EXPH5: variants seen among roughly 807,000 people sequenced by gnomAD.
EXPH5 encodes exophilin 5, also known as exophilin-5.
A neutral mutation model predicts 41.1 loss-of-function variants in EXPH5; 42 were observed. The observed-to-expected ratio is 1.02, with a 90% confidence interval of 0.80 to 1.32. The LOEUF (loss-of-function observed/expected upper bound fraction) is 1.32, where lower values mean the gene tolerates loss of function less well. Ranked by LOEUF, EXPH5 falls within the 40% of genes most tolerant of loss-of-function variation. The pLI is 0.00. For missense variants in EXPH5, 2,298 were observed against 2,314.5 expected (o/e 0.99, Z 0.15); for synonymous variants, 798 against 833.5 (o/e 0.96, Z 0.73).
At position 108,512,257 on chromosome 11, in the gene EXPH5, C is replaced by T; in HGVS notation, c.3250G>A (p.Val1084Ile). The T allele has an allele frequency of 6.2e-7, 1 of 1,612,302 alleles. No individual in the cohort carries two copies. Among genetic ancestry groups the T allele is most frequent in the Non-Finnish European group, 8.5e-7 (1 of 1,179,406 alleles). The change falls in exon 6 of 6, where the codon GTC (valine) becomes ATC (isoleucine). Residue 1084 changes from valine (V) to isoleucine (I), a missense_variant. Val to Ile is a conservative substitution (Grantham distance 29). Transcript: ENST00000265843. ...GCTTCCAGGGCTGAGTCTGAAAGGA[C>T]TTTGGAACATTCATTCGCTGACTCA... ...SPESANECSK[V>I]LSDSALEAPE...
chr11:108,560,383 A>G (rs2094006526), intron 1 of EXPH5, among the ~76,000 whole-genome samples: 1 of 152,232 alleles, frequency 6.6e-6, no homozygotes, highest in Non-Finnish European at 1.5e-5. Context: ...CCTCTCTGGC[A>G]AACAAACCCG....
intron 2 of EXPH5, 32 bp downstream of exon 2, chr11:108,541,620 A>T (rs368733894): frequency 1.3e-5 from 20 of 1,492,512 alleles, no homozygotes; most frequent in Non-Finnish European, 1.8e-5. Context: ...GAAACAAAGA[A>T]ATCAACTTTA....
At chr11:108,597,929 C>T (rs2094140991), upstream of EXPH5, among the ~76,000 whole-genome samples, 1 of 152,234 alleles carries the variant, frequency 6.6e-6, no homozygotes, top group African/African-American at 2.4e-5. Flanking sequence ...GTCTACTATC[C>T]ATTGGGAAAT....
chr11:108,542,926 C>T (rs758442122), intron 1 of EXPH5, among the ~76,000 whole-genome samples: 4 of 152,080 alleles, frequency 2.6e-5, no homozygotes, highest in Non-Finnish European at 4.4e-5. Flanking sequence ...GCCATGTTGA[C>T]CAGGCTGGTC....
chr11:108,579,736 T>C (rs1227322264), intron 1 of EXPH5, among the ~76,000 whole-genome samples: 1 of 152,128 alleles, frequency 6.6e-6, no homozygotes, highest in Non-Finnish European at 1.5e-5. Flanking sequence ...TTTACTTTTT[T>C]CCCTCTCCTC....
chr11:108,518,910 A>G (rs2093745831), intron 4 of EXPH5, among the ~76,000 whole-genome samples: 1 of 152,206 alleles, frequency 6.6e-6, no homozygotes, highest in South Asian at 2.1e-4. Flanking sequence ...TCCTGCCAGC[A>G]CCATGACAGT....
In EXPH5 at chr11:108,512,325, G is replaced by T; in HGVS notation, c.3182C>A (p.Ala1061Glu). The T allele has an allele frequency of 1.9e-6, 3 of 1,613,086 alleles. No homozygotes were observed. The South Asian group carries it at 3.3e-5, about 18-fold the overall frequency. Residue 1061 changes from alanine to glutamate, a missense_variant, in exon 6 of 6, where the codon GCA becomes GAA. Ala to Glu is a moderately radical substitution (Grantham distance 107). Coordinates refer to ENST00000265843, the MANE Select transcript of EXPH5 (RefSeq NM_015065.3). ...PFQIKNNVED[A>E]MGNYMLNKFS... is the part of the protein sequence containing the mutation. ...TTTGTTTAACATATAGTTCCCCATT[G>T]CATCTTCCACATTATTTTTGATTTG...
intron 4 of EXPH5, among the ~76,000 whole-genome samples, chr11:108,521,905 A>G (rs1433994089): frequency 6.6e-6 from 1 of 152,222 alleles, no homozygotes; most frequent in Non-Finnish European, 1.5e-5. Flanking sequence ...CCAGGATCAC[A>G]TTCCTTTGTA....
At chr11:108,575,518 A>C (rs1447931201) in intron 1 of EXPH5, among the ~76,000 whole-genome samples, 4 of 152,376 alleles carry the variant, frequency 2.6e-5, no homozygotes, top group Admixed American at 6.5e-5. Flanking sequence ...TAAAGTGACT[A>C]AAATATTGGA....
In EXPH5 at chr11:108,511,965, TG is replaced by T; in HGVS notation, c.3541del (p.Gln1181LysfsTer64). The T allele has an allele frequency of 5.6e-6, 9 of 1,599,338 alleles. No individual in the cohort carries two copies. Among genetic ancestry groups the T allele is most frequent in the Non-Finnish European group, 7.7e-6 (9 of 1,175,944 alleles). On this transcript the variant is annotated frameshift_variant, in exon 6 of 6. Coordinates refer to ENST00000265843, the MANE Select transcript of EXPH5 (RefSeq NM_015065.3). LOFTEE classifies it low-confidence loss of function (END_TRUNC). The part of the protein sequence containing the change: ...RDCSLTKRQH[Q>X]KENFQEYTEK... Reference sequence around the variant, plus strand: ...AGTGTATTCTTGGAAGTTTTCCTTTTGGTGTTGTCTTTTGGTTAAAGAACAA... The same window carrying T: ...AGTGTATTCTTGGAAGTTTTCCTTTTGTGTTGTCTTTTGGTTAAAGAACAA...
chr11:108,586,261 T>G (rs559121778), intron 1 of EXPH5, among the ~76,000 whole-genome samples: 3 of 152,190 alleles, frequency 2.0e-5, no homozygotes, highest in Non-Finnish European at 4.4e-5. Flanking sequence ...GAATGAATTA[T>G]TTATACATAC....
chr11:108,575,492 T>C (rs2094076621), intron 1 of EXPH5, among the ~76,000 whole-genome samples: 1 of 152,118 alleles, frequency 6.6e-6, no homozygotes, highest in South Asian at 2.1e-4. Context: ...AAGAAACAAA[T>C]AGAATAAGAA....
chr11:108,599,302 C>T, the EXPH5 span, among the ~76,000 whole-genome samples: 1 of 152,192 alleles, frequency 6.6e-6, no homozygotes, highest in South Asian at 2.1e-4. Context: ...ATTTGTAATC[C>T]TACCATCCTA....
At chr11:108,586,836 C>T (rs1301487530) in intron 1 of EXPH5, among the ~76,000 whole-genome samples, 1 of 151,780 alleles carries the variant, frequency 6.6e-6, no homozygotes, top group Non-Finnish European at 1.5e-5. Flanking sequence ...GAAGCTGGCT[C>T]CTGTGATCTG....
At chr11:108,543,376 T>C (rs1353459912) in intron 1 of EXPH5, among the ~76,000 whole-genome samples, 5 of 152,190 alleles carry the variant, frequency 3.3e-5, no homozygotes, top group East Asian at 1.9e-4. Context: ...AGGTGCCTAA[T>C]CCAGAGGGAG....
chr11:108,556,875 A>G (rs1331964333), intron 1 of EXPH5, among the ~76,000 whole-genome samples: 1 of 152,216 alleles, frequency 6.6e-6, no homozygotes, highest in African/African-American at 2.4e-5. Flanking sequence ...TTAGAATACA[A>G]TGTTAAACTC....
intron 1 of EXPH5, among the ~76,000 whole-genome samples, chr11:108,558,909 T>C (rs1234157678): frequency 6.6e-6 from 1 of 152,192 alleles, no homozygotes; most frequent in Non-Finnish European, 1.5e-5. Flanking sequence ...ATTGTACTCA[T>C]TTTACAGTAA....
chr11:108,593,817 C>T, upstream of EXPH5: 2 of 1,395,652 alleles, frequency 1.4e-6, no homozygotes, highest in East Asian at 2.5e-5. Flanking sequence ...GGGGGCGGGC[C>T]CTCCCTTGTC....
In EXPH5 at chr11:108,510,531, A is replaced by C. The variant is rs1223447350; in HGVS notation, c.4976T>G (p.Leu1659Trp). The change falls in exon 6 of 6, where the codon TTG (leucine) becomes TGG (tryptophan). Residue 1659 changes from leucine to tryptophan, a missense_variant. Leu to Trp is a moderately conservative substitution (Grantham distance 61, BLOSUM62 -2). Coordinates refer to ENST00000265843, the MANE Select transcript of EXPH5 (RefSeq NM_015065.3). The part of the protein sequence containing the change: ...KSAESIGESR[L>W]SENGKHVKKS... ...CTTCACATGCTTTCCGTTCTCACTC[A>C]ACCTGCTTTCGCCAATGGACTCTGC... The C allele has an allele frequency of 1.2e-6, 2 of 1,614,038 alleles. No homozygotes were observed. Among genetic ancestry groups the C allele is most frequent in the Non-Finnish European group, 1.7e-6 (2 of 1,180,028 alleles).
Sources: allele counts gnomAD v4.1 joint callset (sites outside exome capture counted in the v4.1 genomes callset), GRCh38; gene constraint gnomAD v4.1.1; transcripts MANE v1.5; gene names NCBI Gene and HGNC (gene_info 2026-07-23, HGNC 2026-07-21).